POMZP3: variants seen among roughly 807,000 people sequenced by gnomAD.
POMZP3 encodes POM121 and ZP3 fusion protein.
POMZP3 carries 10 observed loss-of-function variants against 19.8 expected under a neutral mutation model. That is an observed-to-expected ratio of 0.51 (90% CI 0.31 to 0.86). POMZP3 has a LOEUF of 0.86. POMZP3 is among the 40% of genes least tolerant of loss of function. The pLI is 0.04. For synonymous variants in POMZP3, 57 were observed against 85.8 expected, an observed-to-expected ratio of 0.66 and a Z score of 1.85; for missense variants, 152 against 228.1, an observed-to-expected ratio of 0.67 and a Z score of 2.15.
chr7:76,620,895 G>GTC (rs1191848193), intron 3 of POMZP3, among the ~76,000 whole-genome samples: 1 of 108,280 alleles, frequency 9.2e-6, no homozygotes, highest in African/African-American at 3.7e-5. Flanking sequence ...TTGAGACAGA[G>GTC]TCTCTCTGTG....
chr7:76,621,313 A>C (rs879648121), intron 3 of POMZP3: 1 of 149,104 alleles, frequency 6.7e-6, no homozygotes, highest in South Asian at 2.1e-4. Flanking sequence ...TCTAGCCCTT[A>C]GCATTGATGC....
At chr7:76,611,951 C>G (rs1815130616) in intron 4 of POMZP3, 138 bp from the exon 5 acceptor site, 5 of 1,487,698 alleles carry the variant, frequency 3.4e-6, no homozygotes, top group African/African-American at 1.4e-5. Context: ...ATAATCCCAG[C>G]ACTTTGGGAG....
intron 2 of POMZP3, 83 bp from the exon 3 acceptor site, chr7:76,625,766 A>C: frequency 6.7e-7 from 1 of 1,496,606 alleles, no homozygotes; most frequent in Non-Finnish European, 9.1e-7. Context: ...GCTAACCAAC[A>C]AGCCAAAGTA....
At chr7:76,626,654 C>G in intron 1 of POMZP3, 54 bp downstream of exon 1, 1 of 1,360,916 alleles carries the variant, frequency 7.3e-7, no homozygotes, top group Non-Finnish European at 9.5e-7. Flanking sequence ...TAAAAGTCCT[C>G]GATTTCAAGC....
intron 4 of POMZP3, among the ~76,000 whole-genome samples, chr7:76,616,280 CAAAAAAAAAA>C (rs1161112529): frequency 1.2e-4 from 7 of 57,676 alleles, no homozygotes; most frequent in African/African-American, 4.0e-4. Context: ...GAGACTGTCT[CAAAAAAAAAA>C]AAAAAAAATG....
Position 76,626,867 on chromosome 7 carries a change from GGGCGGGCTGC to G in POMZP3, c.-321_-312del. 4 of 1,402,066 alleles carry G rather than the reference GGGCGGGCTGC, an allele frequency of 2.9e-6. No individual in the cohort carries two copies. The highest frequency in any genetic ancestry group is 3.7e-6 in the Non-Finnish European group (4 of 1,087,704). 86.9% of individuals were successfully genotyped at this position (1,402,066 alleles called of 1,614,324 possible). On this transcript the variant is annotated 5_prime_UTR_variant, in exon 1 of 7. It removes the in-frame stop codon of an upstream open reading frame in the 5' UTR. Coordinates refer to ENST00000310842, the MANE Select transcript of POMZP3 (RefSeq NM_012230.5). ...CGCAGGTCCTGGCCCTCCGGAGCGG[GGGCGGGCTGC>G]GGCGGCCCGGGCTTGCCCAGGTAAC...
intron 3 of POMZP3, among the ~76,000 whole-genome samples, chr7:76,619,781 G>T (rs1815450476): frequency 8.2e-6 from 1 of 122,468 alleles, no homozygotes; most frequent in Non-Finnish European, 1.7e-5. Flanking sequence ...CACCTGGCTA[G>T]GTCCAAGTGG....
intron 3 of POMZP3, among the ~76,000 whole-genome samples, chr7:76,622,872 CTTTTT>C (rs1215209887): frequency 6.8e-6 from 1 of 147,350 alleles, no homozygotes; most frequent in African/African-American, 2.5e-5. Context: ...ATCTAAATTC[CTTTTT>C]TTTTTTCTTT....
At chr7:76,620,329 TAAAA>T (rs768106589) in intron 3 of POMZP3, among the ~76,000 whole-genome samples, 1 of 28,466 alleles carries the variant, frequency 3.5e-5, no homozygotes, top group African/African-American at 1.6e-4. Context: ...CTGTCTCAAA[TAAAA>T]AAAAAAAAAA....
chr7:76,613,572 A>C, intron 4 of POMZP3, among the ~76,000 whole-genome samples: 1 of 65,192 alleles, frequency 1.5e-5, no homozygotes, highest in Admixed American at 1.7e-4. Context: ...CACTGTAGCC[A>C]CTACCTCCGA....
At chr7:76,621,137 GGCGCCATCACCGGAGAC>G in intron 3 of POMZP3, 1 of 148,770 alleles carries the variant, frequency 6.7e-6, no homozygotes, top group African/African-American at 2.5e-5. Context: ...GTCCTGAGCT[GGCGCCATCACCGGAGAC>G]GCCAGGTGAT....
chr7:76,623,427 T>G lies in POMZP3; in HGVS notation c.227+2095A>C, dbSNP rs1610541. Among the ~76,000 whole-genome samples the G allele has an allele frequency of 7.0e-4, 101 of 144,692 alleles. 1 individual carries two copies. The highest frequency in any genetic ancestry group is 1.3e-3 in the Non-Finnish European group (88 of 66,562). 94.9% of individuals were successfully genotyped at this position (144,692 alleles called of 152,430 possible). A position where few individuals can be genotyped will look rare whatever the true frequency, so the allele number is the denominator to read the frequency against. On this transcript the variant is annotated intron_variant, in intron 3 of 6. Transcript: ENST00000310842. ...CCAGAACCCAGCATGCAGTTCTTGTTGCTCCTGTGGGGATAGTTTCATTCT... is the reference window on the plus strand; with the variant it reads ...CCAGAACCCAGCATGCAGTTCTTGTGGCTCCTGTGGGGATAGTTTCATTCT...
intron 3 of POMZP3, among the ~76,000 whole-genome samples, chr7:76,624,496 C>A (rs1285676927): frequency 6.6e-6 from 1 of 151,644 alleles, no homozygotes; most frequent in South Asian, 2.1e-4. Flanking sequence ...CCCAGGCTAG[C>A]ATGCACTGGC....
At position 76,617,145 on chromosome 7, in the gene POMZP3, T is replaced by A. The variant is rs1487161004; in HGVS notation, c.345+1038A>T. On this transcript the variant is annotated intron_variant, in intron 4 of 6. Coordinates refer to ENST00000310842, the MANE Select transcript of POMZP3 (RefSeq NM_012230.5). ...CATCATGCCCAGCTAATTTTTTGTA[T>A]TTTTAGTAGAGGGGGTTTCACCGTG... Among the ~76,000 whole-genome samples, 3 of 93,204 alleles carry A rather than the reference T, an allele frequency of 3.2e-5. 1 individual carries two copies. The highest frequency in any genetic ancestry group is 6.9e-5 in the Non-Finnish European group (3 of 43,180). The allele number at this position is 93,204 out of a possible 152,430, so 61.1% of individuals were successfully genotyped here.
At position 76,626,822 on chromosome 7, in the gene POMZP3, G is replaced by T; in HGVS notation, c.-266C>A. ...TGTGGAGCGCGGCGCCGGGCGGGCG[G>T]GCGGCGGCCAGGCCTATTCCGCAGG... On this transcript the variant is annotated 5_prime_UTR_variant, in exon 1 of 7. Coordinates refer to ENST00000310842, the MANE Select transcript of POMZP3 (RefSeq NM_012230.5). 7.6e-7 allele frequency: 1 copy of T among 1,322,540 alleles called. No individual in the cohort carries two copies. Among genetic ancestry groups the T allele is most frequent in the Non-Finnish European group, 9.8e-7 (1 of 1,021,700 alleles). 81.9% of individuals were successfully genotyped at this position (1,322,540 alleles called of 1,614,324 possible). A position where few individuals can be genotyped will look rare whatever the true frequency, so the allele number is the denominator to read the frequency against.
intron 3 of POMZP3, among the ~76,000 whole-genome samples, chr7:76,623,582 T>C (rs932128369): frequency 1.3e-5 from 2 of 148,224 alleles, no homozygotes; most frequent in South Asian, 2.2e-4. Context: ...GTGGATCACC[T>C]GAGGTCAGGA....
At chr7:76,615,188 CCT>C (rs1018936154) in intron 4 of POMZP3, among the ~76,000 whole-genome samples, 3 of 97,632 alleles carry the variant, frequency 3.1e-5, no homozygotes, top group Non-Finnish European at 6.8e-5. Context: ...TGAGAAACCA[CCT>C]CAGTCCATAC....
chr7:76,619,384 T>C (rs1365448221), intron 3 of POMZP3, among the ~76,000 whole-genome samples: 1 of 117,168 alleles, frequency 8.5e-6, no homozygotes, highest in African/African-American at 3.8e-5. Flanking sequence ...TGAGACTCTG[T>C]CTTTAAAATA....
intron 3 of POMZP3, among the ~76,000 whole-genome samples, chr7:76,623,393 T>C (rs1440599892): frequency 1.3e-5 from 2 of 150,732 alleles, no homozygotes; most frequent in Non-Finnish European, 2.9e-5. Flanking sequence ...ATTATAACTC[T>C]ATTTCTGTCC....
Sources: allele counts gnomAD v4.1 joint callset (sites outside exome capture counted in the v4.1 genomes callset), GRCh38; gene constraint gnomAD v4.1.1; transcripts MANE v1.5; gene names NCBI Gene and HGNC (gene_info 2026-07-23, HGNC 2026-07-21).